The following DNM2 variants were observed in gnomAD, a reference collection of about 807,000 sequenced individuals.
DNM2 encodes the protein dynamin-2.
In DNM2, 15 loss-of-function variants were observed where a neutral mutation model predicts 99.0. The ratio of observed to expected loss-of-function variants is 0.15; its 90% CI spans 0.10 to 0.23. The LOEUF is 0.23. Ranked by LOEUF, DNM2 falls within the 10% of genes least tolerant of loss-of-function variation. The pLI is 1.00. For synonymous variants in DNM2, 525 were observed against 481.2 expected (o/e 1.09, Z -1.19); for missense variants, 742 against 1,189.4 (o/e 0.62, Z 5.53).
At chr19:10,726,232 T>TAAAAAAAAAAAAAAAAAAAAAAAAA (rs1568263636) in intron 1 of DNM2, among the ~76,000 whole-genome samples, 2 of 13,598 alleles carry the variant, frequency 1.5e-4, no homozygotes, top group Non-Finnish European at 2.4e-4. Flanking sequence ...AAAAAAAAAT[T>TAAAAAAAAAAAAAAAAAAAAAAAAA]TTTTTTTTTT....
chr19:10,827,581 AGTT>A (rs1368128961), intron 18 of DNM2, among the ~76,000 whole-genome samples: 4 of 151,658 alleles, frequency 2.6e-5, no homozygotes, highest in Non-Finnish European at 5.9e-5. Flanking sequence ...AAAAAAAAAA[AGTT>A]GTGACGGCCA....
rs2072873452 is a variant in DNM2 at position 10,818,926 on chromosome 19, A to G, written c.1672-1054A>G. 6.6e-6 allele frequency among the ~76,000 whole-genome samples: 1 copy of G among 152,138 alleles called. No homozygotes were observed. The highest frequency in any genetic ancestry group is 2.4e-5 in the African/African-American group (1 of 41,428). On this transcript the variant is annotated intron_variant, in intron 15 of 20. Transcript: ENST00000389253. This position sits in a 1 kb window ranked among gnomAD's most constrained non-coding sequence, Gnocchi z 4.3. Reference sequence around the variant, plus strand: ...TCCGTGAACTGAGACCAAGCAGTGCATGGCATGGGTCCCCAAGAGCTGCTG... The same window carrying G: ...TCCGTGAACTGAGACCAAGCAGTGCGTGGCATGGGTCCCCAAGAGCTGCTG...
At chr19:10,756,658 G>T (rs2070396120) in intron 1 of DNM2, among the ~76,000 whole-genome samples, 1 of 152,144 alleles carries the variant, frequency 6.6e-6, no homozygotes, top group Admixed American at 6.6e-5. Flanking sequence ...TGTGCTGCCT[G>T]TGGCTGCAGA....
intron 1 of DNM2, among the ~76,000 whole-genome samples, chr19:10,758,271 T>TTCCTTCCCTCCC (rs2070470700): frequency 2.6e-5 from 3 of 116,964 alleles, no homozygotes; most frequent in East Asian, 3.1e-4. Flanking sequence ...CCTTCCCTCC[T>TTCCTTCCCTCCC]TCCTTCCCTC....
chr19:10,754,778 G>T (rs573078944), intron 1 of DNM2, among the ~76,000 whole-genome samples: 1 of 148,920 alleles, frequency 6.7e-6, no homozygotes, highest in African/African-American at 2.5e-5. Context: ...TTTTTGTAGA[G>T]ACAGGGGCTC....
At chr19:10,802,678 C>G (rs17265047) in intron 12 of DNM2, 101,313 of 427,976 alleles carry the variant, frequency 0.24, 12,437 homozygotes, top group Middle Eastern at 0.3. Context: ...TTCTCAGAGC[C>G]TTTAGCGACC....
chr19:10,781,174 A>G (rs538769485), intron 5 of DNM2, among the ~76,000 whole-genome samples: 20 of 152,298 alleles, frequency 1.3e-4, no homozygotes, highest in African/African-American at 4.8e-4. Flanking sequence ...TGGGCAGCAG[A>G]GCGAGACTCC....
chr19:10,818,904 G>A lies in DNM2; in HGVS notation c.1672-1076G>A, dbSNP rs115513611. Reference sequence around the variant, plus strand: ...TCCCTCTCTGAGCTAGGAGGGATCCGTGAACTGAGACCAAGCAGTGCATGG... The same window carrying A: ...TCCCTCTCTGAGCTAGGAGGGATCCATGAACTGAGACCAAGCAGTGCATGG... On this transcript the variant is annotated intron_variant, in intron 15 of 20. Coordinates refer to ENST00000389253, the MANE Select transcript of DNM2 (RefSeq NM_001005361.3). This position sits in a 1 kb window ranked among gnomAD's most constrained non-coding sequence, Gnocchi z 4.3. 4.3e-3 allele frequency among the ~76,000 whole-genome samples: 657 copies of A among 152,276 alleles called. 5 individuals carry two copies. Among genetic ancestry groups the A allele is most frequent in the African/African-American group, 0.014 (602 of 41,554 alleles).
chr19:10,775,621 G>T lies in DNM2; in HGVS notation c.386-82G>T, dbSNP rs1217611039. The T allele has an allele frequency of 2.0e-5, 30 of 1,515,302 alleles. No individual in the cohort carries two copies. The highest frequency in any genetic ancestry group is 2.6e-5 in the Non-Finnish European group (28 of 1,092,096). 93.9% of individuals were successfully genotyped at this position (1,515,302 alleles called of 1,614,324 possible). On this transcript the variant is annotated intron_variant, in intron 3 of 20. Coordinates refer to ENST00000389253, the MANE Select transcript of DNM2 (RefSeq NM_001005361.3). This position sits in a 1 kb window ranked among gnomAD's most constrained non-coding sequence, Gnocchi z 4.3. ...GTCTGAGCCCCGCGCAGGAACTTTGGTAGTCAGCTGGGTGGCTGCGGGCCT... is the reference window on the plus strand; with the variant it reads ...GTCTGAGCCCCGCGCAGGAACTTTGTTAGTCAGCTGGGTGGCTGCGGGCCT...
At chr19:10,748,284 A>G (rs1227277343) in intron 1 of DNM2, among the ~76,000 whole-genome samples, 2 of 152,160 alleles carry the variant, frequency 1.3e-5, no homozygotes, top group African/African-American at 2.4e-5. Flanking sequence ...ACACGCTGAC[A>G]GCCTTGGACG....
intron 6 of DNM2, among the ~76,000 whole-genome samples, chr19:10,784,305 G>A (rs11673241): frequency 0.061 from 9,298 of 152,216 alleles, 297 homozygotes; most frequent in South Asian, 0.097. Context: ...ATCCAGTAGG[G>A]GCGCGGGGGC....
Position 10,817,521 on chromosome 19 carries a change from AC to A in DNM2, c.1672-2453del, listed in dbSNP as rs1479451701. 7 of 440,918 alleles carry A rather than the reference AC, an allele frequency of 1.6e-5. No homozygotes were observed. The highest frequency in any genetic ancestry group is 9.0e-5 in the East Asian group (1 of 11,092). 27.3% of individuals were successfully genotyped at this position (440,918 alleles called of 1,614,324 possible). The stretch of plus-strand genomic sequence containing the variant: ...CGGGGCCGGCTATCCATCCTGCAGA[AC>A]CCCCCAGGCAGACGCTGGGGCCACC... On this transcript the variant is annotated intron_variant, in intron 15 of 20. Transcript: ENST00000389253. The surrounding 1 kb of genome is among the most constrained non-coding windows in gnomAD (Gnocchi z 4.6).
chr19:10,768,102 C>T (rs1280265014), intron 2 of DNM2, among the ~76,000 whole-genome samples: 2 of 152,098 alleles, frequency 1.3e-5, no homozygotes, highest in Non-Finnish European at 2.9e-5. Context: ...CCATATCCTT[C>T]GCCCACATGG....
At chr19:10,804,801 C>T (rs1030183129) in intron 12 of DNM2, among the ~76,000 whole-genome samples, 1 of 152,208 alleles carries the variant, frequency 6.6e-6, no homozygotes, top group African/African-American at 2.4e-5. Flanking sequence ...TCCAGCCTTT[C>T]CTGATCTAGA....
At position 10,818,439 on chromosome 19, in the gene DNM2, G is replaced by T. The variant is rs1158090563; in HGVS notation, c.1672-1541G>T. On this transcript the variant is annotated intron_variant, in intron 15 of 20. Transcript: ENST00000389253. This position sits in a 1 kb window ranked among gnomAD's most constrained non-coding sequence, Gnocchi z 4.3. ...TCCTCCATCCTCCTTGGATAGATGA[G>T]GAAACTGAGATGAAATGGGAGGTGG... is the stretch of plus-strand genomic sequence containing the variant. Among the ~76,000 whole-genome samples the T allele has an allele frequency of 1.3e-5, 2 of 152,230 alleles. No individual in the cohort carries two copies. Among genetic ancestry groups the T allele is most frequent in the Non-Finnish European group, 2.9e-5 (2 of 68,044 alleles).
Position 10,830,022 on chromosome 19 carries a change from T to G in DNM2, c.2292-105T>G. 1 of 1,536,356 alleles carries G rather than the reference T, an allele frequency of 6.5e-7. No individual in the cohort carries two copies. Among genetic ancestry groups the G allele is most frequent in the Non-Finnish European group, 9.0e-7 (1 of 1,109,856 alleles). The stretch of plus-strand genomic sequence containing the variant: ...TGGGAGGATCCCACTGCGCCTGCGC[T>G]GTCCCCATAGCCAGCCCCCACCTCA... On this transcript the variant is annotated intron_variant, in intron 19 of 20. Transcript: ENST00000389253. The surrounding 1 kb of genome is among the most constrained non-coding windows in gnomAD (Gnocchi z 4.8).
chr19:10,831,542 G>C lies in DNM2; in HGVS notation c.*495G>C. ...TGGGCTCGGTAGTGCCCAGCTGGCA[G>C]GCCTGAGGTGTACATAGTCCTTCCC... On this transcript the variant is annotated 3_prime_UTR_variant, in exon 21 of 21. Transcript: ENST00000389253. This position sits in a 1 kb window ranked among gnomAD's most constrained non-coding sequence, Gnocchi z 4.3. The C allele has an allele frequency of 4.1e-6, 4 of 986,704 alleles. No homozygotes were observed. The highest frequency in any genetic ancestry group is 4.8e-6 in the Non-Finnish European group (4 of 830,540). 61.1% of individuals were successfully genotyped at this position (986,704 alleles called of 1,614,324 possible).
At chr19:10,791,544 C>G (rs965955696) in intron 7 of DNM2, among the ~76,000 whole-genome samples, 1 of 150,684 alleles carries the variant, frequency 6.6e-6, no homozygotes, top group Non-Finnish European at 1.5e-5. Flanking sequence ...CGCGGGACAC[C>G]GACCAGCCGG....
rs551179938 is a variant in DNM2, at chr19:10,730,451, C to T, written c.161+12048C>T. 2.6e-5 allele frequency among the ~76,000 whole-genome samples: 4 copies of T among 151,628 alleles called. No individual in the cohort carries two copies. The South Asian group carries it at 8.3e-4, about 32-fold the overall frequency. On this transcript the variant is annotated intron_variant, in intron 1 of 20. Transcript: ENST00000389253. ...CCCACACTGTGCCATTGCACTGCAG[C>T]GTGGGTGACAGAGCGAGACCCTGTC...
Sources: gnomAD v4.1 joint callset for allele counts (sites outside exome capture counted in the v4.1 genomes callset) on GRCh38, gnomAD v4.1.1 for gene constraint, Gnocchi (gnomAD v3.1) non-coding constraint, MANE v1.5 for transcripts, NCBI Gene and HGNC (gene_info 2026-07-23, HGNC 2026-07-21) for gene names.